The following PLCXD3 variants were observed in gnomAD, a reference collection of about 807,000 sequenced individuals.
PLCXD3 encodes the protein phosphatidylinositol specific phospholipase C X domain containing 3.
Under a neutral mutation model 25.5 loss-of-function variants are expected in PLCXD3, and 19 were observed. That is an observed-to-expected ratio of 0.75 (90% CI 0.52 to 1.09). PLCXD3 has a LOEUF of 1.09. Ranked by LOEUF, PLCXD3 falls within the 50% of genes least tolerant of loss-of-function variation. The probability of loss-of-function intolerance (pLI) is 0.00; values close to 1 mark genes in which losing one functional copy is unlikely to be tolerated. For synonymous variants in PLCXD3, 174 were observed against 137.6 expected (o/e 1.26, Z -1.85); for missense variants, 411 against 388.1 (o/e 1.06, Z -0.50).
chr5:41,463,761 T>C (rs1040362666), intron 1 of PLCXD3, among the ~76,000 whole-genome samples: 3 of 151,660 alleles, frequency 2.0e-5, no homozygotes, highest in East Asian at 1.9e-4. Flanking sequence ...TGCGGCACTA[T>C]TTTTTTTAAG....
chr5:41,423,085 CT>C (rs968189595), intron 1 of PLCXD3, among the ~76,000 whole-genome samples: 11 of 151,866 alleles, frequency 7.2e-5, no homozygotes, highest in African/African-American at 2.7e-4. Context: ...ATTATTTTTT[CT>C]TTTTTTATCT....
chr5:41,501,586 G>A (rs1748951649), intron 1 of PLCXD3, among the ~76,000 whole-genome samples: 1 of 152,016 alleles, frequency 6.6e-6, no homozygotes, highest in Non-Finnish European at 1.5e-5. Flanking sequence ...TTTTAGTCAT[G>A]CAAGATGAAA....
At chr5:41,433,268 T>C (rs1299558781) in intron 1 of PLCXD3, among the ~76,000 whole-genome samples, 1 of 152,198 alleles carries the variant, frequency 6.6e-6, no homozygotes, top group East Asian at 1.9e-4. Flanking sequence ...TAAGTGAAAA[T>C]AATGACACTA....
chr5:41,310,585 A>G lies in PLCXD3; in HGVS notation c.*3032T>C, dbSNP rs1169200112. The G allele has an allele frequency of 6.6e-6, 1 of 152,598 alleles. No homozygotes were observed. 9.5% of individuals were successfully genotyped at this position (152,598 alleles called of 1,614,324 possible). A position where few individuals can be genotyped will look rare whatever the true frequency, so the allele number is the denominator to read the frequency against. ...TAGGCTAAGGATAAGCTTCGATTGC[A>G]TATCACCATTTTTTACTTTTGGAAG... On this transcript the variant is annotated 3_prime_UTR_variant, in exon 3 of 3. Coordinates refer to ENST00000377801, the MANE Select transcript of PLCXD3 (RefSeq NM_001005473.3).
At chr5:41,443,035 A>G (rs1243143543) in intron 1 of PLCXD3, among the ~76,000 whole-genome samples, 3 of 149,082 alleles carry the variant, frequency 2.0e-5, no homozygotes, top group Non-Finnish European at 4.4e-5. Context: ...TATATGTATT[A>G]TTGTATACAT....
intron 2 of PLCXD3, among the ~76,000 whole-genome samples, chr5:41,337,159 C>G (rs1259803591): frequency 6.6e-6 from 1 of 152,076 alleles, no homozygotes; most frequent in Non-Finnish European, 1.5e-5. Context: ...TATGCTTAGG[C>G]AGTGTACCGT....
chr5:41,326,838 C>T (rs1743641494), intron 2 of PLCXD3, among the ~76,000 whole-genome samples: 1 of 150,222 alleles, frequency 6.7e-6, no homozygotes, highest in African/African-American at 2.4e-5. Context: ...ATTAATACAT[C>T]CCCTGTACCT....
chr5:41,504,355 T>C (rs1391154124), intron 1 of PLCXD3, among the ~76,000 whole-genome samples: 1 of 152,112 alleles, frequency 6.6e-6, no homozygotes, highest in Non-Finnish European at 1.5e-5. Context: ...AGGATAAAAT[T>C]TGTCCCACAT....
At chr5:41,330,343 A>T (rs928922381) in intron 2 of PLCXD3, among the ~76,000 whole-genome samples, 18 of 152,150 alleles carry the variant, frequency 1.2e-4, no homozygotes, top group Non-Finnish European at 5.9e-5. Flanking sequence ...CTAGAAAATC[A>T]AGAAGAAATG....
rs1273618558 is a variant in PLCXD3, at chr5:41,312,732, CCTTCT to C, written c.*880_*884del. 1 of 143,440 alleles carries C rather than the reference CCTTCT, an allele frequency of 7.0e-6. No individual in the cohort carries two copies. Among genetic ancestry groups the C allele is most frequent in the African/African-American group, 2.7e-5 (1 of 37,554 alleles). The allele number at this position is 143,440 out of a possible 1,614,324, so 8.9% of individuals were successfully genotyped here. On this transcript the variant is annotated 3_prime_UTR_variant, in exon 3 of 3. Coordinates refer to ENST00000377801, the MANE Select transcript of PLCXD3 (RefSeq NM_001005473.3). ...TCCTTCCTTCCTTCCTTCCTTCCTT[CCTTCT>C]GTCTTTTTCTTTCATCAAGAGCATC...
intron 1 of PLCXD3, among the ~76,000 whole-genome samples, chr5:41,457,787 A>C (rs1283671580): frequency 1.3e-5 from 2 of 151,898 alleles, no homozygotes; most frequent in Non-Finnish European, 2.9e-5. Flanking sequence ...AGAACAGGTC[A>C]ATGGAGAAAG....
intron 1 of PLCXD3, among the ~76,000 whole-genome samples, chr5:41,497,591 T>A (rs1429802334): frequency 5.9e-5 from 9 of 151,822 alleles, no homozygotes; most frequent in African/African-American, 2.4e-5. Context: ...TAGGAAAAAA[T>A]TTAATATCCC....
In PLCXD3 at chr5:41,467,871, T is replaced by G. The variant is rs1748057529; in HGVS notation, c.103+42553A>C. Among the ~76,000 whole-genome samples the G allele has an allele frequency of 3.3e-5, 5 of 152,146 alleles. No homozygotes were observed. In the South Asian group the frequency reaches 1.0e-3, roughly 32 times the overall value. On this transcript the variant is annotated intron_variant, in intron 1 of 2. Transcript: ENST00000377801. ...TTGCCAAAAATCAGTTGACTGTAAA[T>G]GCATGGGTTAGGACCTTGGTTTTCT... is the stretch of plus-strand genomic sequence containing the variant.
At chr5:41,509,603 T>C (rs1738986117) in intron 1 of PLCXD3, among the ~76,000 whole-genome samples, 1 of 152,228 alleles carries the variant, frequency 6.6e-6, no homozygotes, top group Non-Finnish European at 1.5e-5. Context: ...ACATTCTCAG[T>C]CACCTTTTCC....
intron 2 of PLCXD3, among the ~76,000 whole-genome samples, chr5:41,319,201 A>G (rs1743388547): frequency 6.6e-6 from 1 of 152,200 alleles, no homozygotes; most frequent in African/African-American, 2.4e-5. Flanking sequence ...AGTACTGAAC[A>G]GATCTTCCAG....
At position 41,313,595 on chromosome 5, in the gene PLCXD3, A is replaced by G; in HGVS notation, c.*22T>C. 1 of 1,613,330 alleles carries G rather than the reference A, an allele frequency of 6.2e-7. No homozygotes were observed. The highest frequency in any genetic ancestry group is 8.5e-7 in the Non-Finnish European group (1 of 1,179,444). ...ACAATGAGCTTTCTCCATCTTATTC[A>G]TGGAAACTCCAAGTAGTGCTATCAA... On this transcript the variant is annotated 3_prime_UTR_variant, in exon 3 of 3. Coordinates refer to ENST00000377801, the MANE Select transcript of PLCXD3 (RefSeq NM_001005473.3).
intron 2 of PLCXD3, among the ~76,000 whole-genome samples, chr5:41,327,050 A>G (rs770359064): frequency 1.3e-5 from 2 of 152,170 alleles, no homozygotes; most frequent in Non-Finnish European, 2.9e-5. Context: ...CTAAGGAGGA[A>G]TTTAAGGACC....
intron 1 of PLCXD3, among the ~76,000 whole-genome samples, chr5:41,422,948 T>C (rs1253935808): frequency 6.6e-6 from 1 of 152,166 alleles, no homozygotes; most frequent in Non-Finnish European, 1.5e-5. Context: ...TTGATAGATA[T>C]ACTTTATCAG....
chr5:41,403,191 A>C (rs1746236901), intron 1 of PLCXD3, among the ~76,000 whole-genome samples: 1 of 151,846 alleles, frequency 6.6e-6, no homozygotes, highest in African/African-American at 2.4e-5. Flanking sequence ...TACTTTGTGG[A>C]TATGATATAA....
Sources: gnomAD v4.1 joint callset for allele counts (sites outside exome capture counted in the v4.1 genomes callset) on GRCh38, gnomAD v4.1.1 for gene constraint, MANE v1.5 for transcripts, NCBI Gene and HGNC (gene_info 2026-07-23, HGNC 2026-07-21) for gene names.